The following PI4K2B variants were observed in gnomAD, a reference collection of about 807,000 sequenced individuals.
PI4K2B encodes phosphatidylinositol 4-kinase type 2-beta.
PI4K2B carries 46 observed loss-of-function variants against 56.6 expected under a neutral mutation model. The observed-to-expected ratio is 0.81, with a 90% CI of 0.64 to 1.04. PI4K2B has a LOEUF of 1.04. Ranked by LOEUF, PI4K2B falls within the 50% of genes least tolerant of loss-of-function variation. The pLI is 0.00. For missense variants in PI4K2B, 556 were observed against 607.7 expected, an observed-to-expected ratio of 0.91 and a Z score of 0.89; for synonymous variants, 211 against 223.8, an observed-to-expected ratio of 0.94 and a Z score of 0.51.
intron 1 of PI4K2B, among the ~76,000 whole-genome samples, chr4:25,246,217 C>G (rs1382025962): frequency 6.6e-6 from 1 of 152,020 alleles, no homozygotes; most frequent in Non-Finnish European, 1.5e-5. Context: ...GGAAGGGGAC[C>G]TGAGTGGGTT....
intron 1 of PI4K2B, among the ~76,000 whole-genome samples, chr4:25,245,828 C>T (rs1715743970): frequency 6.6e-6 from 1 of 152,058 alleles, no homozygotes; most frequent in South Asian, 2.1e-4. Context: ...GGCGATAGTC[C>T]CTTTGTTTAG....
chr4:25,240,202 C>T (rs1186813142), intron 1 of PI4K2B, among the ~76,000 whole-genome samples: 1 of 152,152 alleles, frequency 6.6e-6, no homozygotes, highest in East Asian at 1.9e-4. Context: ...AAGCCTTTTC[C>T]TGTAAACACC....
chr4:25,235,738 T>C (rs536424328), intron 1 of PI4K2B, among the ~76,000 whole-genome samples: 24 of 152,356 alleles, frequency 1.6e-4, no homozygotes, highest in South Asian at 8.3e-4. Context: ...TTTCTGTCCC[T>C]TACCTTGTGT....
rs761595216 is a variant in PI4K2B at position 25,252,301 on chromosome 4, G to C, written c.269-20G>C. 4 of 1,588,288 alleles carry C rather than the reference G, an allele frequency of 2.5e-6. No individual in the cohort carries two copies. The South Asian group carries it at 3.3e-5, about 13-fold the overall frequency. ...CCATATCATGAGCATTCTCATAGCT[G>C]GTATTTCTTCTTAATGCAGTAACTA... On this transcript the variant is annotated intron_variant, in intron 1 of 9. Coordinates refer to ENST00000264864, the MANE Select transcript of PI4K2B (RefSeq NM_018323.4).
At chr4:25,242,996 C>T (rs1186235221) in intron 1 of PI4K2B, among the ~76,000 whole-genome samples, 1 of 152,210 alleles carries the variant, frequency 6.6e-6, no homozygotes, top group Non-Finnish European at 1.5e-5. Context: ...AGCAAAGTCT[C>T]CCAATTACAA....
intron 1 of PI4K2B, among the ~76,000 whole-genome samples, chr4:25,236,450 C>T (rs1289706651): frequency 6.6e-6 from 1 of 150,934 alleles, no homozygotes; most frequent in African/African-American, 2.4e-5. Context: ...ACTTGGGAGG[C>T]TGAGGCAGGA....
chr4:25,270,006 G>T (rs137921797), intron 9 of PI4K2B, among the ~76,000 whole-genome samples: 1 of 152,064 alleles, frequency 6.6e-6, no homozygotes. Context: ...GTGAGCCACC[G>T]CGCCCAGCCT....
chr4:25,236,377 C>T (rs1047590130), intron 1 of PI4K2B, among the ~76,000 whole-genome samples: 2 of 151,924 alleles, frequency 1.3e-5, no homozygotes, highest in Non-Finnish European at 2.9e-5. Context: ...ATGGTGAAAC[C>T]CTGCCTCTAC....
At chr4:25,264,276 G>A (rs1327092141) in intron 7 of PI4K2B, among the ~76,000 whole-genome samples, 1 of 151,960 alleles carries the variant, frequency 6.6e-6, no homozygotes, top group Admixed American at 6.6e-5. Context: ...AAATGATTAC[G>A]TTTTCTACAT....
chr4:25,234,314 G>T lies in PI4K2B; in HGVS notation c.151G>T (p.Asp51Tyr). 1 of 1,418,642 alleles carries T rather than the reference G, an allele frequency of 7.0e-7. No individual in the cohort carries two copies. Among genetic ancestry groups the T allele is most frequent in the Non-Finnish European group, 9.2e-7 (1 of 1,083,898 alleles). 87.9% of individuals were successfully genotyped at this position (1,418,642 alleles called of 1,614,324 possible). A position where few individuals can be genotyped will look rare whatever the true frequency, so the allele number is the denominator to read the frequency against. Reference sequence around the variant, plus strand: ...CCCAGGCAGCGCCGTGAGGCTGCTGGACGCTGCCGGGGAGGAGGGCGAGGC... The same window carrying T: ...CCCAGGCAGCGCCGTGAGGCTGCTGTACGCTGCCGGGGAGGAGGGCGAGGC... ...GAPGSAVRLL[D>Y]AAGEEGEAGD... Residue 51 changes from aspartate (D) to tyrosine (Y), a missense_variant, in exon 1 of 10, where the codon GAC becomes TAC. Asp to Tyr is a radical substitution (Grantham distance 160, BLOSUM62 -3). Coordinates refer to ENST00000264864, the MANE Select transcript of PI4K2B (RefSeq NM_018323.4).
intron 1 of PI4K2B, among the ~76,000 whole-genome samples, chr4:25,246,153 T>G (rs1239842217): frequency 2.6e-5 from 4 of 151,462 alleles, no homozygotes; most frequent in Non-Finnish European, 4.4e-5. Flanking sequence ...ACCCAAAGAG[T>G]GAGCAGCAGC....
At chr4:25,235,321 C>A (rs2109079005) in intron 1 of PI4K2B, among the ~76,000 whole-genome samples, 1 of 152,308 alleles carries the variant, frequency 6.6e-6, no homozygotes, top group East Asian at 1.9e-4. Flanking sequence ...TATCGCTTCA[C>A]ACATGACAAC....
At position 25,277,074 on chromosome 4, in the gene PI4K2B, C is replaced by T. The variant is rs777191146; in HGVS notation, c.1333C>T (p.Pro445Ser). 4.3e-6 allele frequency: 7 copies of T among 1,613,536 alleles called. No individual in the cohort carries two copies. In the East Asian group the frequency reaches 1.3e-4, roughly 31 times the overall value. The stretch of plus-strand genomic sequence containing the variant: ...GAGTCCTTTCCAGCTAGTACAGATA[C>T]CTTGTGTGATTGTGGAACGCAGTCA... The part of the protein sequence containing the change: ...GKSPFQLVQI[P>S]CVIVERSQGG... The change falls in exon 10 of 10, where the codon CCT becomes TCT. Residue 445 changes from proline (P) to serine (S), a missense_variant. Physicochemically the swap from Pro to Ser is moderately conservative, Grantham distance 74 (BLOSUM62 -1). Transcript: ENST00000264864.
At chr4:25,267,749 A>T (rs1001791885) in intron 7 of PI4K2B, 1 of 978,866 alleles carries the variant, frequency 1.0e-6, no homozygotes, top group Non-Finnish European at 1.2e-6. Context: ...GTTTAGATTT[A>T]ATGGTCTTCT....
intron 7 of PI4K2B, among the ~76,000 whole-genome samples, chr4:25,266,071 A>G (rs1348942502): frequency 1.3e-5 from 2 of 150,536 alleles, no homozygotes; most frequent in African/African-American, 4.9e-5. Context: ...CACTTTGTGT[A>G]TACCTCAGTG....
rs1344028371 is a variant in PI4K2B at position 25,277,589 on chromosome 4, T to C, written c.*402T>C. On this transcript the variant is annotated 3_prime_UTR_variant, in exon 10 of 10. Transcript: ENST00000264864. ...AGGATGCCTACGTCTGAAATTGCTC[T>C]TACGAACTTTAATAAAATAGTTAGC... 1 of 153,548 alleles carries C rather than the reference T, an allele frequency of 6.5e-6. No individual in the cohort carries two copies. Among genetic ancestry groups the C allele is most frequent in the African/African-American group, 2.4e-5 (1 of 41,494 alleles). The allele number at this position is 153,548 out of a possible 1,614,324, so 9.5% of individuals were successfully genotyped here.
chr4:25,268,586 T>G lies in PI4K2B; in HGVS notation c.1212+10T>G. ...CTATGAACTTTTTAAGGTAAGTTAA[T>G]GCTTAGTTTGATTATTGCAGAAAAT... On this transcript the variant is annotated intron_variant, in intron 8 of 9. Coordinates refer to ENST00000264864, the MANE Select transcript of PI4K2B (RefSeq NM_018323.4). 6.5e-7 allele frequency: 1 copy of G among 1,530,246 alleles called. No homozygotes were observed. Among genetic ancestry groups the G allele is most frequent in the Non-Finnish European group, 8.9e-7 (1 of 1,127,674 alleles). The allele number at this position is 1,530,246 out of a possible 1,614,324, so 94.8% of individuals were successfully genotyped here. A position where few individuals can be genotyped will look rare whatever the true frequency, so the allele number is the denominator to read the frequency against.
chr4:25,236,547 T>G (rs1052300121), intron 1 of PI4K2B, among the ~76,000 whole-genome samples: 7 of 152,088 alleles, frequency 4.6e-5, no homozygotes, highest in African/African-American at 1.7e-4. Flanking sequence ...AGTGAGACTT[T>G]GTCTCAAAAA....
chr4:25,256,667 C>G lies in PI4K2B; in HGVS notation c.749C>G (p.Pro250Arg), dbSNP rs755781435. The G allele has an allele frequency of 6.2e-7, 1 of 1,613,102 alleles. No homozygotes were observed. The highest frequency in any genetic ancestry group is 8.5e-7 in the Non-Finnish European group (1 of 1,179,612). ...VGRKFHRIGL[P>R]PKIGSFQLFV... ...AGAAAGTTTCATAGGATAGGACTCC[C>G]TCCTAAGGTAAGTTTCTCTGATAAG... Residue 250 changes from proline to arginine, a missense_variant, in exon 4 of 10, where the codon CCT (proline) becomes CGT (arginine). By Grantham distance (103) the Pro-to-Arg change is moderately radical. Coordinates refer to ENST00000264864, the MANE Select transcript of PI4K2B (RefSeq NM_018323.4).
Sources: allele counts gnomAD v4.1 joint callset (sites outside exome capture counted in the v4.1 genomes callset), GRCh38; gene constraint gnomAD v4.1.1; transcripts MANE v1.5; gene names NCBI Gene and HGNC (gene_info 2026-07-23, HGNC 2026-07-21).